Variants in IGHMBP2 observed in about 807,000 individuals in gnomAD.
The protein encoded by IGHMBP2 is immunoglobulin mu DNA binding protein 2.
A neutral mutation model predicts 96.0 loss-of-function variants in IGHMBP2; 81 were observed. That is an observed-to-expected ratio of 0.84 (90% CI 0.71 to 1.01). IGHMBP2 has a LOEUF of 1.01. IGHMBP2 is among the 50% of genes least tolerant of loss of function. The pLI, the probability that IGHMBP2 is intolerant of heterozygous loss-of-function variation, is 0.00. For synonymous variants in IGHMBP2, 557 were observed against 548.9 expected (o/e 1.01, Z -0.21); for missense variants, 1,227 against 1,306.3 (o/e 0.94, Z 0.94).
chr11:68,937,172 A>G (rs756647877), intron 13 of IGHMBP2, 81 bp downstream of exon 13: 19 of 1,546,136 alleles, frequency 1.2e-5, no homozygotes, highest in Non-Finnish European at 1.7e-5. Context: ...GCCACCATCA[A>G]CAGAAGGAAG....
rs751793572 is a variant in IGHMBP2 at position 68,904,070 on chromosome 11, G to T, written c.86+32G>T. On this transcript the variant is annotated intron_variant, in intron 1 of 14. Transcript: ENST00000255078. ...GAGGCCGCCGGCGCCGCTCCCTCGC[G>T]GTCGGTCCCGCCGTGTCCCGGGCAG... is the stretch of plus-strand genomic sequence containing the variant. 52 of 1,520,110 alleles carry T rather than the reference G, an allele frequency of 3.4e-5. No homozygotes were observed. In the South Asian group the frequency reaches 4.2e-4, roughly 12 times the overall value. The allele number at this position is 1,520,110 out of a possible 1,614,324, so 94.2% of individuals were successfully genotyped here. A position where few individuals can be genotyped will look rare whatever the true frequency, so the allele number is the denominator to read the frequency against.
intron 12 of IGHMBP2, 68 bp downstream of exon 12, chr11:68,935,490 TG>T: frequency 1.3e-6 from 2 of 1,587,066 alleles, no homozygotes; most frequent in Non-Finnish European, 8.6e-7. Flanking sequence ...AGGGGCATAT[TG>T]GGTGTCTGCT....
chr11:68,906,259 A>G (rs772261887), intron 2 of IGHMBP2, 21 bp downstream of exon 2: 2 of 1,613,292 alleles, frequency 1.2e-6, no homozygotes, highest in Non-Finnish European at 8.5e-7. Context: ...ATTGACCTAG[A>G]CAGACATTGA....
rs1289494832 is a variant in IGHMBP2 at position 68,936,652 on chromosome 11, T to C, written c.2172T>C (p.Asp724=). ...GCCCAGAGGGAGTGGAGAGCCAAGA[T>C]GGCGTGGACCACTTCCGGGCCATGA... is the stretch of plus-strand genomic sequence containing the variant. ...GGSPEGVESQ[D]GVDHFRAMIV... is the part of the protein sequence containing the mutation. Residue 724 remains aspartate, a synonymous_variant, in exon 13 of 15, where the codon GAT becomes GAC. Coordinates refer to ENST00000255078, the MANE Select transcript of IGHMBP2 (RefSeq NM_002180.3). The C allele has an allele frequency of 6.2e-7, 1 of 1,613,952 alleles. No individual in the cohort carries two copies. The highest frequency in any genetic ancestry group is 8.5e-7 in the Non-Finnish European group (1 of 1,180,000).
intron 11 of IGHMBP2, 138 bp downstream of exon 11, chr11:68,934,696 A>C (rs1331899428): frequency 6.8e-6 from 5 of 737,354 alleles, no homozygotes; most frequent in Non-Finnish European, 9.6e-6. Flanking sequence ...GACTGGATCC[A>C]GGGCCCAAAT....
chr11:68,919,863 A>T (rs1594434389), intron 7 of IGHMBP2, among the ~76,000 whole-genome samples: 1 of 152,326 alleles, frequency 6.6e-6, no homozygotes, highest in African/African-American at 2.4e-5. Context: ...ACTTTGTCTG[A>T]CATTAAAATA....
intron 4 of IGHMBP2, among the ~76,000 whole-genome samples, chr11:68,909,811 T>C (rs550281230): frequency 2.0e-4 from 30 of 152,096 alleles, no homozygotes; most frequent in African/African-American, 7.2e-4. Flanking sequence ...TATTTTTTAG[T>C]AGAGACAACA....
At chr11:68,933,251 A>C in intron 8 of IGHMBP2, 48 bp from the exon 9 acceptor site, 1 of 1,564,726 alleles carries the variant, frequency 6.4e-7, no homozygotes, top group Non-Finnish European at 8.7e-7. Flanking sequence ...TCACACCTGG[A>C]CTCTGGGGCT....
rs564145037 is a variant in IGHMBP2, at chr11:68,911,478, C to T, written c.586C>T (p.Gln196Ter). ...TFFNTCLDTS[Q>*]KEAVLFALSQ... ...CTTCAACACCTGCCTGGACACCTCC[C>T]AGAAAGAAGCGGTTTTATTTGCGCT... Residue 196 changes from glutamine (Q) to a stop codon, truncating the protein, a stop_gained, in exon 5 of 15, where the codon CAG becomes TAG. Transcript: ENST00000255078. LOFTEE classifies it high-confidence loss of function. 2.5e-6 allele frequency: 4 copies of T among 1,614,128 alleles called. No individual in the cohort carries two copies. In the African/African-American group the frequency reaches 5.3e-5, roughly 22 times the overall value.
Position 68,929,090 on chromosome 11 carries a change from G to T in IGHMBP2, c.1061-93G>T, listed in dbSNP as rs192061107. The stretch of plus-strand genomic sequence containing the variant: ...ACACAGTTGCAATGCAAGCCTTGAT[G>T]AAACCCCAGCTTGATGGTGTCTCCT... On this transcript the variant is annotated intron_variant, in intron 7 of 14. Coordinates refer to ENST00000255078, the MANE Select transcript of IGHMBP2 (RefSeq NM_002180.3). 32 of 1,206,110 alleles carry T rather than the reference G, an allele frequency of 2.7e-5. No individual in the cohort carries two copies. The Admixed American group carries it at 5.4e-4, about 20-fold the overall frequency. The allele number at this position is 1,206,110 out of a possible 1,614,324, so 74.7% of individuals were successfully genotyped here.
rs766477068 is a variant in IGHMBP2, at chr11:68,934,482, G to T, written c.1556G>T (p.Ser519Ile). ...CCTCCAGGCGAAGTCCGCCTCGTCAGTTTGCACATCCAGGCTCTGGTGGAC... is the reference window on the plus strand; with the variant it reads ...CCTCCAGGCGAAGTCCGCCTCGTCATTTTGCACATCCAGGCTCTGGTGGAC... Reference protein sequence around the residue: ...KGNPGEVRLVSLHIQALVDAG... With the variant: ...KGNPGEVRLVILHIQALVDAG... The change falls in exon 11 of 15, where the codon AGT becomes ATT. Residue 519 changes from serine (S) to isoleucine (I), a missense_variant. By Grantham distance (142) the Ser-to-Ile change is moderately radical. Transcript: ENST00000255078. The T allele has an allele frequency of 6.2e-7, 1 of 1,611,624 alleles. No homozygotes were observed. Among genetic ancestry groups the T allele is most frequent in the South Asian group, 1.1e-5 (1 of 90,354 alleles).
At chr11:68,918,008 C>A in intron 7 of IGHMBP2, 125 bp downstream of exon 7, 1 of 1,056,388 alleles carries the variant, frequency 9.5e-7, no homozygotes, top group Non-Finnish European at 1.4e-6. Context: ...GGGTAGGGTT[C>A]ACTAGGGAAG....
intron 7 of IGHMBP2, among the ~76,000 whole-genome samples, 195 bp downstream of exon 7, chr11:68,918,078 A>C (rs1858738437): frequency 6.6e-6 from 1 of 152,206 alleles, no homozygotes; most frequent in African/African-American, 2.4e-5. Flanking sequence ...CAACTTCTTC[A>C]ATAGATAAAG....
chr11:68,937,052 C>A lies in IGHMBP2; in HGVS notation c.2572C>A (p.Gln858Lys). 3 of 1,605,054 alleles carry A rather than the reference C, an allele frequency of 1.9e-6. No homozygotes were observed. Among genetic ancestry groups the A allele is most frequent in the Non-Finnish European group, 2.5e-6 (3 of 1,179,924 alleles). The change falls in exon 13 of 15, where the codon CAG (glutamine) becomes AAG (lysine). Residue 858 changes from glutamine (Q) to lysine (K), a missense_variant. Gln to Lys is a moderately conservative substitution (Grantham distance 53). Transcript: ENST00000255078. ...CAGCAAGGAGCAGCAGGCCTCAGGG[C>A]AGCAGAAACTTCCAGAAAAGAAAAA... Reference protein sequence around the residue: ...PASKEQQASGQQKLPEKKKKK... With the variant: ...PASKEQQASGKQKLPEKKKKK...
intron 5 of IGHMBP2, among the ~76,000 whole-genome samples, chr11:68,911,952 G>A (rs1468760882): frequency 6.6e-6 from 1 of 152,216 alleles, no homozygotes; most frequent in East Asian, 1.9e-4. Context: ...GCCTGGAGTT[G>A]GCCTGGGCCC....
At chr11:68,913,631 A>G (rs990830548) in intron 5 of IGHMBP2, among the ~76,000 whole-genome samples, 4 of 150,030 alleles carry the variant, frequency 2.7e-5, no homozygotes, top group African/African-American at 9.8e-5. Context: ...TTAATAGTGG[A>G]GCTGTGGCTG....
At chr11:68,922,251 A>C (rs755395693) in intron 7 of IGHMBP2, among the ~76,000 whole-genome samples, 42 of 151,516 alleles carry the variant, frequency 2.8e-4, no homozygotes, top group Non-Finnish European at 4.6e-4. Flanking sequence ...CCGGAGGCGG[A>C]GATTGCAGTG....
At chr11:68,914,335 T>G (rs1373784042) in intron 5 of IGHMBP2, among the ~76,000 whole-genome samples, 1 of 151,022 alleles carries the variant, frequency 6.6e-6, no homozygotes, top group Non-Finnish European at 1.5e-5. Flanking sequence ...GGAGCTACAG[T>G]GTTCGGGAGA....
In IGHMBP2 at chr11:68,936,651, A is replaced by G. The variant is rs747963054; in HGVS notation, c.2171A>G (p.Asp724Gly). ...GGSPEGVESQ[D>G]GVDHFRAMIV... Reference sequence around the variant, plus strand: ...AGCCCAGAGGGAGTGGAGAGCCAAGATGGCGTGGACCACTTCCGGGCCATG... The same window carrying G: ...AGCCCAGAGGGAGTGGAGAGCCAAGGTGGCGTGGACCACTTCCGGGCCATG... The change falls in exon 13 of 15, where the codon GAT becomes GGT. Residue 724 changes from aspartate to glycine, a missense_variant. Around this residue, in one of 3 missense-constraint regions of IGHMBP2, gnomAD observed 703 missense variants for 770.3 expected, o/e 0.91. Transcript: ENST00000255078. 3.1e-6 allele frequency: 5 copies of G among 1,613,854 alleles called. No homozygotes were observed. The African/African-American group carries it at 6.7e-5, about 22-fold the overall frequency.
Sources: gnomAD v4.1 joint callset for allele counts (sites outside exome capture counted in the v4.1 genomes callset) on GRCh38, gnomAD v4.1.1 for gene constraint, gnomAD v4.1.1 regional missense constraint, MANE v1.5 for transcripts, NCBI Gene and HGNC (gene_info 2026-07-23, HGNC 2026-07-21) for gene names.